EXOC3L2: variants seen among roughly 807,000 people sequenced by gnomAD.
EXOC3L2 encodes the protein exocyst complex component 3-like protein 2.
Under a neutral mutation model 44.4 loss-of-function variants are expected in EXOC3L2, and 17 were observed. That is an observed-to-expected ratio of 0.38 (90% CI 0.26 to 0.57). The LOEUF (loss-of-function observed/expected upper bound fraction) is 0.57, where lower values mean the gene tolerates loss of function less well. Among genes scored for constraint, EXOC3L2 ranks in the 20% least tolerant of loss-of-function variants. The pLI is 0.65. For missense variants in EXOC3L2, 541 were observed against 588.4 expected (o/e 0.92, Z 0.83); for synonymous variants, 256 against 253.7 (o/e 1.01, Z -0.09).
In EXOC3L2 at chr19:45,234,357, C is replaced by G. The variant is rs1314245201; in HGVS notation, c.993G>C (p.Arg331=). 2.8e-6 allele frequency: 1 copy of G among 353,194 alleles called. No homozygotes were observed. The allele number at this position is 353,194 out of a possible 1,614,324, so 21.9% of individuals were successfully genotyped here. The change falls in exon 3 of 12, where the codon CGG becomes CGC. Residue 331 remains arginine, a synonymous_variant. Coordinates refer to ENST00000413988, the MANE Select transcript of EXOC3L2 (RefSeq NM_001382422.1). This position sits in a 1 kb window ranked among gnomAD's most constrained non-coding sequence, Gnocchi z 5.0. ...ARLLEDMAVV[R]GRLAPAYPAG... is the part of the protein sequence containing the mutation. The stretch of plus-strand genomic sequence containing the variant: ...CGGGGTAGGCGGGCGCCAGGCGGCC[C>G]CGCACCACGGCCATATCCTCCAGCA...
At chr19:45,228,655 C>T (rs1969993741) in intron 4 of EXOC3L2, among the ~76,000 whole-genome samples, 1 of 151,882 alleles carries the variant, frequency 6.6e-6, no homozygotes, top group African/African-American at 2.4e-5. Flanking sequence ...GTCTGTAATC[C>T]CAGCTACTCA....
intron 7 of EXOC3L2, 100 bp downstream of exon 7, chr19:45,227,562 C>G (rs1462285337): frequency 4.1e-6 from 4 of 972,590 alleles, no homozygotes; most frequent in African/African-American, 1.6e-5. Context: ...GCTCAGACTC[C>G]CCTGAGTCAG....
chr19:45,224,644 T>C (rs1484323), intron 8 of EXOC3L2, 134 bp downstream of exon 8: 51,550 of 1,273,928 alleles, frequency 0.04, 1,108 homozygotes, highest in Non-Finnish European at 0.047. Flanking sequence ...GGCATGGCCT[T>C]AACTGCCCCT....
At chr19:45,230,253 C>G (rs1263695382) in intron 4 of EXOC3L2, among the ~76,000 whole-genome samples, 3 of 152,158 alleles carry the variant, frequency 2.0e-5, no homozygotes, top group Non-Finnish European at 4.4e-5. Context: ...GAGTCTCGCT[C>G]TGTCGCCCAG....
In EXOC3L2 at chr19:45,228,209, T is replaced by C; in HGVS notation, c.1327A>G (p.Ser443Gly). The C allele has an allele frequency of 6.2e-7, 1 of 1,613,904 alleles. No homozygotes were observed. The highest frequency in any genetic ancestry group is 8.5e-7 in the Non-Finnish European group (1 of 1,179,988). Residue 443 changes from serine to glycine, a missense_variant, in exon 5 of 12, where the codon AGC (serine) becomes GGC (glycine). Transcript: ENST00000413988. The part of the protein sequence containing the change: ...VLQEDEEHWG[S>G]LEDQPSSLAQ... ...AGGCTGCTGGGCTGGTCCTCCAGGC[T>C]CCCCCAGTGCTCTTCGTCCTCCTGC...
At chr19:45,230,246 T>A (rs531682986) in intron 4 of EXOC3L2, among the ~76,000 whole-genome samples, 1 of 152,158 alleles carries the variant, frequency 6.6e-6, no homozygotes, top group African/African-American at 2.4e-5. Flanking sequence ...TGAGATGGAG[T>A]CTCGCTCTGT....
intron 2 of EXOC3L2, among the ~76,000 whole-genome samples, chr19:45,237,009 G>GA (rs796623483): frequency 0.026 from 3,188 of 122,484 alleles, 49 homozygotes; most frequent in Non-Finnish European, 0.042. Context: ...TGTCTCAAAG[G>GA]AAAAAAAAAA....
intron 8 of EXOC3L2, among the ~76,000 whole-genome samples, chr19:45,220,482 A>G (rs1014879253): frequency 6.6e-6 from 1 of 152,178 alleles, no homozygotes; most frequent in African/African-American, 2.4e-5. Context: ...AAAAACAAAC[A>G]GAAACAAAAA....
At chr19:45,233,388 C>G (rs1201990148) in intron 3 of EXOC3L2, among the ~76,000 whole-genome samples, 1 of 152,182 alleles carries the variant, frequency 6.6e-6, no homozygotes, top group Non-Finnish European at 1.5e-5. Context: ...GAAACGTCAA[C>G]AGTACTAATG....
chr19:45,217,558 C>T lies in EXOC3L2; in HGVS notation c.1968G>A (p.Ala656=). The change falls in exon 10 of 12, where the codon GCG becomes GCA. Residue 656 remains alanine (A), a synonymous_variant. Coordinates refer to ENST00000413988, the MANE Select transcript of EXOC3L2 (RefSeq NM_001382422.1). ...SRVAGRLRED[A]AQLQRLFRRL... is the part of the protein sequence containing the mutation. ...GCCGGAACAGCCTCTGCAGTTGCGC[C>T]GCGTCCTCCCGGAGCCTGCCGGCCA... 1 of 1,566,368 alleles carries T rather than the reference C, an allele frequency of 6.4e-7. No homozygotes were observed.
intron 8 of EXOC3L2, among the ~76,000 whole-genome samples, chr19:45,223,069 A>ATT (rs1316684889): frequency 2.6e-5 from 4 of 152,128 alleles, no homozygotes; most frequent in Admixed American, 1.3e-4. Flanking sequence ...CCTGGGCAAC[A>ATT]TAGTGAGACC....
At chr19:45,220,246 C>G (rs1750390696) in intron 8 of EXOC3L2, among the ~76,000 whole-genome samples, 1 of 152,010 alleles carries the variant, frequency 6.6e-6, no homozygotes, top group South Asian at 2.1e-4. Flanking sequence ...CTTTGGGAGG[C>G]TGAGGCTCAA....
chr19:45,233,211 G>A lies in EXOC3L2; in HGVS notation c.1157+982C>T, dbSNP rs181322752. ...AGCTTGGGCGACAGAGCAAGACTCC[G>A]TCTCAAAATAAATAAATAAATAAAT... On this transcript the variant is annotated intron_variant, in intron 3 of 11. Coordinates refer to ENST00000413988, the MANE Select transcript of EXOC3L2 (RefSeq NM_001382422.1). 1.4e-4 allele frequency among the ~76,000 whole-genome samples: 21 copies of A among 150,990 alleles called. No homozygotes were observed. In the East Asian group the frequency reaches 2.1e-3, roughly 15 times the overall value.
Position 45,238,325 on chromosome 19 carries a change from G to A in EXOC3L2, c.523+198C>T, listed in dbSNP as rs538529394. On this transcript the variant is annotated intron_variant, in intron 2 of 11. Transcript: ENST00000413988. The surrounding 1 kb of genome is among the most constrained non-coding windows in gnomAD (Gnocchi z 5.5). ...GGTGGCACTGAAGAGAAAGGTTGAC[G>A]ACAGGGATTAGGACTGCAGTGGTAA... Among the ~76,000 whole-genome samples the A allele has an allele frequency of 9.2e-5, 14 of 152,240 alleles. No individual in the cohort carries two copies. The South Asian group carries it at 2.3e-3, about 25-fold the overall frequency.
At chr19:45,239,216 CT>C (rs34721897) in intron 1 of EXOC3L2, among the ~76,000 whole-genome samples, 155 bp from the exon 2 acceptor site, 213 of 122,584 alleles carry the variant, frequency 1.7e-3, no homozygotes, top group East Asian at 3.8e-3. Context: ...AAGATGGGGA[CT>C]TTTTTTTTTT....
chr19:45,234,396 C>A lies in EXOC3L2; in HGVS notation c.954G>T (p.Ala318=). ...TATCCTCCAGCAGCCGCGCCCGCAG[C>A]GCCTCCAGCTGCCCGGCCAGGCCCC... ...APGGLAGQLE[A]LRARLLEDMA... is the part of the protein sequence containing the mutation. Residue 318 remains alanine, a synonymous_variant, in exon 3 of 12, where the codon GCG becomes GCT. Transcript: ENST00000413988. The surrounding 1 kb of genome is among the most constrained non-coding windows in gnomAD (Gnocchi z 5.0). The A allele has an allele frequency of 3.1e-6, 1 of 322,708 alleles. No homozygotes were observed. The highest frequency in any genetic ancestry group is 5.6e-6 in the Non-Finnish European group (1 of 177,170). The allele number at this position is 322,708 out of a possible 1,614,324, so 20.0% of individuals were successfully genotyped here.
intron 3 of EXOC3L2, among the ~76,000 whole-genome samples, chr19:45,233,350 G>A (rs1294647934): frequency 6.6e-6 from 1 of 152,200 alleles, no homozygotes; most frequent in Admixed American, 6.5e-5. Context: ...TTCTATGGTT[G>A]CACCATACAT....
chr19:45,241,564 G>A (rs1475419605), intron 1 of EXOC3L2, among the ~76,000 whole-genome samples: 1 of 151,772 alleles, frequency 6.6e-6, no homozygotes, highest in African/African-American at 2.4e-5. Context: ...AGTATCTTCA[G>A]GACAAAGCTG....
In EXOC3L2 at chr19:45,234,081, G is replaced by A. The variant is rs932959288; in HGVS notation, c.1157+112C>T. On this transcript the variant is annotated intron_variant, in intron 3 of 11. Transcript: ENST00000413988. This position sits in a 1 kb window ranked among gnomAD's most constrained non-coding sequence, Gnocchi z 5.0. ...GACTGGATGGGTTAATGGTGTTAAA[G>A]TGCTAGGACTGTAGGGTCAGCTGTC... The A allele has an allele frequency of 5.4e-6, 2 of 372,580 alleles. No individual in the cohort carries two copies. The highest frequency in any genetic ancestry group is 2.1e-5 in the African/African-American group (1 of 47,418). The allele number at this position is 372,580 out of a possible 1,614,324, so 23.1% of individuals were successfully genotyped here.
Sources: gnomAD v4.1 joint callset for allele counts (sites outside exome capture counted in the v4.1 genomes callset) on GRCh38, gnomAD v4.1.1 for gene constraint, Gnocchi (gnomAD v3.1) non-coding constraint, MANE v1.5 for transcripts, NCBI Gene and HGNC (gene_info 2026-07-23, HGNC 2026-07-21) for gene names.